SLC16A7: variants seen among roughly 807,000 people sequenced by gnomAD.
SLC16A7 encodes solute carrier family 16 member 7.
SLC16A7 carries 33 observed loss-of-function variants against 34.9 expected under a neutral mutation model. The ratio of observed to expected loss-of-function variants is 0.94; its 90% CI spans 0.72 to 1.26. The LOEUF (loss-of-function observed/expected upper bound fraction) is 1.26, where lower values mean the gene tolerates loss of function less well. SLC16A7 is among the 50% of genes most tolerant of loss of function. SLC16A7 has a pLI of 0.00. For synonymous variants in SLC16A7, 201 were observed against 206.6 expected (o/e 0.97, Z 0.23); for missense variants, 573 against 578.1 (o/e 0.99, Z 0.09).
intron 1 of SLC16A7, among the ~76,000 whole-genome samples, chr12:59,637,426 T>A (rs1351208286): frequency 6.6e-6 from 1 of 152,054 alleles, no homozygotes; most frequent in African/African-American, 2.4e-5. Context: ...GAGGCTTTCC[T>A]GCTCATTTAT....
Position 59,774,760 on chromosome 12 carries a change from T to C in SLC16A7, c.465T>C (p.Pro155=). ...ATGGATTGGCCATGGCAGGAAGTCC[T>C]GTTTTCTTAAGTTCATTGGCTCCTT... is the stretch of plus-strand genomic sequence containing the variant. ...MANGLAMAGS[P]VFLSSLAPFN... The change falls in exon 5 of 6, where the codon CCT becomes CCC. Residue 155 remains proline, a synonymous_variant. Transcript: ENST00000547379. The C allele has an allele frequency of 6.2e-7, 1 of 1,613,936 alleles. No individual in the cohort carries two copies. Among genetic ancestry groups the C allele is most frequent in the East Asian group, 2.2e-5 (1 of 44,852 alleles).
intron 2 of SLC16A7, among the ~76,000 whole-genome samples, chr12:59,668,355 G>T (rs1047248250): frequency 2.6e-5 from 4 of 152,212 alleles, no homozygotes; most frequent in Non-Finnish European, 5.9e-5. Flanking sequence ...GGATAGAGCT[G>T]CCCAAGGCCA....
rs1391831997 is a variant in SLC16A7 at position 59,785,672 on chromosome 12, A to G, written c.*5993A>G. The G allele has an allele frequency of 4.6e-5, 7 of 152,076 alleles. No individual in the cohort carries two copies. The highest frequency in any genetic ancestry group is 4.6e-4 in the Admixed American group (7 of 15,262). 9.4% of individuals were successfully genotyped at this position (152,076 alleles called of 1,614,324 possible). ...ATGATCTACATGTTTTTCAGTCTCC[A>G]TATATACTTGTTAATAAGGTGAGCA... is the stretch of plus-strand genomic sequence containing the variant. On this transcript the variant is annotated 3_prime_UTR_variant, in exon 6 of 6. Coordinates refer to ENST00000547379, the MANE Select transcript of SLC16A7 (RefSeq NM_001270623.2).
intron 2 of SLC16A7, among the ~76,000 whole-genome samples, chr12:59,686,014 C>G (rs1871130219): frequency 6.7e-6 from 1 of 149,366 alleles, no homozygotes; most frequent in African/African-American, 2.5e-5. Flanking sequence ...TTGGGAGCCT[C>G]TAGTATTTAA....
chr12:59,757,499 G>T (rs564796193), intron 3 of SLC16A7, among the ~76,000 whole-genome samples: 11 of 152,196 alleles, frequency 7.2e-5, no homozygotes, highest in Non-Finnish European at 1.0e-4. Flanking sequence ...TTTTTTTCAT[G>T]ACTTGCACTC....
chr12:59,753,027 A>G (rs977895079), intron 3 of SLC16A7, among the ~76,000 whole-genome samples: 21 of 152,178 alleles, frequency 1.4e-4, no homozygotes, highest in Non-Finnish European at 2.8e-4. Context: ...TGAAAGAGAA[A>G]TAAAATACTC....
intron 3 of SLC16A7, among the ~76,000 whole-genome samples, chr12:59,706,408 G>A (rs1873583530): frequency 6.6e-6 from 1 of 151,912 alleles, no homozygotes; most frequent in South Asian, 2.1e-4. Flanking sequence ...GTGTTGGAAT[G>A]TGTTTTATAC....
chr12:59,604,600 A>G (rs529002131), intron 1 of SLC16A7, among the ~76,000 whole-genome samples: 1 of 152,328 alleles, frequency 6.6e-6, no homozygotes, highest in South Asian at 2.1e-4. Flanking sequence ...TCTATATTTA[A>G]TACCTTACAT....
At chr12:59,763,636 A>G (rs1307038381) in intron 3 of SLC16A7, among the ~76,000 whole-genome samples, 2 of 152,156 alleles carry the variant, frequency 1.3e-5, no homozygotes, top group Non-Finnish European at 2.9e-5. Flanking sequence ...TACTTATTGC[A>G]TTTCACTTTA....
At chr12:59,716,839 C>T (rs544949050) in intron 3 of SLC16A7, among the ~76,000 whole-genome samples, 27 of 152,288 alleles carry the variant, frequency 1.8e-4, no homozygotes, top group African/African-American at 5.8e-4. Context: ...GAGCAAGACT[C>T]TGTCTCACAA....
intron 2 of SLC16A7, 35 bp downstream of exon 2, chr12:59,655,285 C>T (rs942131407): frequency 6.6e-6 from 1 of 151,852 alleles, no homozygotes; most frequent in Non-Finnish European, 1.5e-5. Context: ...TGTTTTCTTC[C>T]ATCTAGCTCT....
At chr12:59,685,180 G>A (rs946755353) in intron 2 of SLC16A7, among the ~76,000 whole-genome samples, 1 of 152,100 alleles carries the variant, frequency 6.6e-6, no homozygotes, top group Admixed American at 6.6e-5. Context: ...CTTTCATTTA[G>A]GTTATATTTA....
intron 2 of SLC16A7, among the ~76,000 whole-genome samples, chr12:59,662,917 A>T (rs1020240750): frequency 6.6e-6 from 1 of 152,132 alleles, no homozygotes; most frequent in East Asian, 1.9e-4. Context: ...GAAATATCTT[A>T]TGTGAAGAAA....
chr12:59,751,896 C>G (rs957822475), intron 3 of SLC16A7, among the ~76,000 whole-genome samples: 3 of 152,124 alleles, frequency 2.0e-5, no homozygotes, highest in Admixed American at 2.0e-4. Flanking sequence ...CCGGGTACTC[C>G]TCTTAGACAA....
intron 2 of SLC16A7, among the ~76,000 whole-genome samples, chr12:59,686,095 CTTT>C (rs572779305): frequency 1.7e-3 from 163 of 93,502 alleles, no homozygotes; most frequent in African/African-American, 5.4e-3. Context: ...AAGAACTTTT[CTTT>C]TTTTTTTTTT....
chr12:59,629,947 T>C (rs757728857), intron 1 of SLC16A7, among the ~76,000 whole-genome samples: 7 of 151,952 alleles, frequency 4.6e-5, no homozygotes, highest in African/African-American at 9.7e-5. Context: ...ATTCATTGCA[T>C]GTAAACTTTT....
Position 59,760,363 on chromosome 12 carries a change from G to A in SLC16A7, c.218-10856G>A, listed in dbSNP as rs368128926. Among the ~76,000 whole-genome samples, 363 of 152,058 alleles carry A rather than the reference G, an allele frequency of 2.4e-3. 3 individuals carry two copies. The highest frequency in any genetic ancestry group is 6.8e-3 in the Middle Eastern group (2 of 294). The stretch of plus-strand genomic sequence containing the variant: ...TTGGAAGTGACCTATAAAAGTGCAG[G>A]GCTCTGGAGATTAAGCTGCATTTCA... On this transcript the variant is annotated intron_variant, in intron 3 of 5. Coordinates refer to ENST00000547379, the MANE Select transcript of SLC16A7 (RefSeq NM_001270623.2).
chr12:59,659,966 G>C (rs1055121334), intron 2 of SLC16A7, among the ~76,000 whole-genome samples: 1 of 152,036 alleles, frequency 6.6e-6, no homozygotes, highest in South Asian at 2.1e-4. Context: ...GGTAAGAGAG[G>C]TTAGATAATT....
intron 3 of SLC16A7, among the ~76,000 whole-genome samples, 197 bp downstream of exon 3, chr12:59,705,215 G>A (rs1446520265): frequency 1.3e-5 from 2 of 152,124 alleles, no homozygotes; most frequent in Non-Finnish European, 2.9e-5. Context: ...GCTTCGAATT[G>A]AGTCTTAATG....
Sources: allele counts gnomAD v4.1 joint callset (sites outside exome capture counted in the v4.1 genomes callset), GRCh38; gene constraint gnomAD v4.1.1; transcripts MANE v1.5; gene names NCBI Gene and HGNC (gene_info 2026-07-23, HGNC 2026-07-21).